TP63: variants seen among roughly 807,000 people sequenced by gnomAD.
TP63 encodes tumor protein 63.
Under a neutral mutation model 82.8 loss-of-function variants are expected in TP63, and 17 were observed. The observed-to-expected ratio is 0.21, with a 90% CI of 0.14 to 0.31. The LOEUF (loss-of-function observed/expected upper bound fraction) is 0.31, where lower values mean the gene tolerates loss of function less well. Ranked by LOEUF, TP63 falls within the 10% of genes least tolerant of loss-of-function variation. The pLI, the probability that TP63 is intolerant of heterozygous loss-of-function variation, is 1.00. For synonymous variants in TP63, 330 were observed against 321.7 expected (o/e 1.03, Z -0.28); for missense variants, 648 against 895.3 (o/e 0.72, Z 3.52).
At chr3:189,741,466 T>A (rs1466649642) in intron 3 of TP63, among the ~76,000 whole-genome samples, 2 of 151,982 alleles carry the variant, frequency 1.3e-5, no homozygotes, top group East Asian at 3.8e-4. Context: ...GAGTCTTTTT[T>A]CCCATTACTT....
chr3:189,847,439 A>G (rs1044360086), intron 4 of TP63, among the ~76,000 whole-genome samples: 1 of 152,208 alleles, frequency 6.6e-6, no homozygotes, highest in African/African-American at 2.4e-5. Flanking sequence ...TTTCCCCTCT[A>G]TGAATGATTA....
intron 1 of TP63, among the ~76,000 whole-genome samples, chr3:189,642,180 T>A (rs1325692827): frequency 6.6e-6 from 1 of 152,226 alleles, no homozygotes; most frequent in African/African-American, 2.4e-5. Flanking sequence ...TTAATAGATG[T>A]AAGATGATAT....
intron 3 of TP63, among the ~76,000 whole-genome samples, chr3:189,790,513 A>G (rs1515498): frequency 0.33 from 50,800 of 151,870 alleles, 8,829 homozygotes; most frequent in Admixed American, 0.46. Context: ...TTTATTTAAG[A>G]AACTGATTAT....
intron 1 of TP63, among the ~76,000 whole-genome samples, chr3:189,708,812 A>G (rs1718383447): frequency 6.6e-6 from 1 of 152,230 alleles, no homozygotes; most frequent in Non-Finnish European, 1.5e-5. Context: ...TTCATTTTTT[A>G]TAATACTTAA....
At chr3:189,668,333 G>A (rs190741418) in intron 1 of TP63, among the ~76,000 whole-genome samples, 17 of 151,632 alleles carry the variant, frequency 1.1e-4, no homozygotes, top group Admixed American at 9.9e-4. Flanking sequence ...GTCATCCTGA[G>A]GTTTAATTTA....
intron 1 of TP63, among the ~76,000 whole-genome samples, chr3:189,707,786 A>G (rs1718309999): frequency 6.6e-6 from 1 of 152,216 alleles, no homozygotes; most frequent in Non-Finnish European, 1.5e-5. Context: ...TTTAGAACTT[A>G]AGAAAGTTAC....
intron 1 of TP63, among the ~76,000 whole-genome samples, chr3:189,725,199 A>G (rs528716857): frequency 6.6e-6 from 1 of 150,992 alleles, no homozygotes; most frequent in Non-Finnish European, 1.5e-5. Flanking sequence ...ATTTACCAGG[A>G]CAAATAATTA....
At position 189,840,954 on chromosome 3, in the gene TP63, ATG is replaced by A. The variant is rs1432408873; in HGVS notation, c.580-23272_580-23271del. On this transcript the variant is annotated intron_variant, in intron 4 of 13. Transcript: ENST00000264731. ...CGCTTTGGAATTCATGCTCCATTAT[ATG>A]TGTGTCTTAATGCTATATACTGTTG... Among the ~76,000 whole-genome samples the A allele has an allele frequency of 1.2e-4, 18 of 151,754 alleles. No homozygotes were observed. The East Asian group carries it at 2.5e-3, about 21-fold the overall frequency.
In TP63 at chr3:189,867,574, AC is replaced by A. The variant is rs547428370; in HGVS notation, c.883-258del. ...TGAATTACATGATGTGGATCAGCTTACAAACGAACAGGATCAAAGATCACAA... is the reference window on the plus strand; with the variant it reads ...TGAATTACATGATGTGGATCAGCTTAAAACGAACAGGATCAAAGATCACAA... On this transcript the variant is annotated intron_variant, in intron 6 of 13. Coordinates refer to ENST00000264731, the MANE Select transcript of TP63 (RefSeq NM_003722.5). Among the ~76,000 whole-genome samples, 14 of 152,344 alleles carry A rather than the reference AC, an allele frequency of 9.2e-5. No individual in the cohort carries two copies. The South Asian group carries it at 2.9e-3, about 32-fold the overall frequency.
the TP63 span, among the ~76,000 whole-genome samples, chr3:189,625,609 A>T: frequency 6.6e-6 from 1 of 152,220 alleles, no homozygotes; most frequent in African/African-American, 2.4e-5. Context: ...AACTGAGATC[A>T]TGTAAGGTAT....
At chr3:189,808,621 T>A in intron 4 of TP63, 95 bp downstream of exon 4, 1 of 1,597,612 alleles carries the variant, frequency 6.3e-7, no homozygotes, top group Non-Finnish European at 8.5e-7. Flanking sequence ...AGTTTAGCGA[T>A]TCCATGTTCA....
chr3:189,682,551 AAAATATATATAT>A (rs530757905), intron 1 of TP63, among the ~76,000 whole-genome samples: 38 of 30,808 alleles, frequency 1.2e-3, no homozygotes, highest in African/African-American at 7.5e-3. Context: ...AAAAAAAAAA[AAAATATATATAT>A]ATATATATAT....
At chr3:189,713,193 C>T (rs1259459320) in intron 1 of TP63, among the ~76,000 whole-genome samples, 2 of 152,146 alleles carry the variant, frequency 1.3e-5, no homozygotes, top group Non-Finnish European at 2.9e-5. Flanking sequence ...GGCTTTATAG[C>T]ATTCTGTTTA....
At chr3:189,629,409 T>C (rs1211782839), upstream of TP63, among the ~76,000 whole-genome samples, 1 of 151,928 alleles carries the variant, frequency 6.6e-6, no homozygotes, top group East Asian at 1.9e-4. Context: ...TAAAAATAAC[T>C]TTTAAAAAAC....
chr3:189,597,054 G>C, the TP63 span, among the ~76,000 whole-genome samples: 2 of 152,096 alleles, frequency 1.3e-5, 1 homozygote, highest in Non-Finnish European at 2.9e-5. Context: ...AACATCAGAA[G>C]GAACAAACTC....
intron 1 of TP63, among the ~76,000 whole-genome samples, chr3:189,701,692 A>G (rs1560120538): frequency 6.6e-6 from 1 of 151,930 alleles, no homozygotes; most frequent in Non-Finnish European, 1.5e-5. Flanking sequence ...GGTCCAATGC[A>G]AAGAGGCCTA....
intron 1 of TP63, among the ~76,000 whole-genome samples, chr3:189,682,683 G>A (rs1421820139): frequency 1.3e-5 from 2 of 151,008 alleles, no homozygotes; most frequent in African/African-American, 2.4e-5. Context: ...ATTTCACTTA[G>A]GAGGTCTTTC....
At chr3:189,671,306 A>C (rs955773774) in intron 1 of TP63, among the ~76,000 whole-genome samples, 5 of 152,166 alleles carry the variant, frequency 3.3e-5, no homozygotes, top group African/African-American at 9.7e-5. Context: ...ACTAATCATC[A>C]GGGAAATGCA....
At chr3:189,721,535 A>G (rs1285547072) in intron 1 of TP63, among the ~76,000 whole-genome samples, 1 of 152,050 alleles carries the variant, frequency 6.6e-6, no homozygotes, top group Non-Finnish European at 1.5e-5. Context: ...GCAAGACACA[A>G]CAAGAATCCT....
Sources: allele counts gnomAD v4.1 joint callset (sites outside exome capture counted in the v4.1 genomes callset), GRCh38; gene constraint gnomAD v4.1.1; transcripts MANE v1.5; gene names NCBI Gene and HGNC (gene_info 2026-07-23, HGNC 2026-07-21).